Variants in NBEA observed in about 807,000 individuals in gnomAD.
The protein encoded by NBEA is lysosomal-trafficking regulator 2.
A neutral mutation model predicts 343.4 loss-of-function variants in NBEA; 44 were observed. The ratio of observed to expected loss-of-function variants is 0.13; its 90% CI spans 0.10 to 0.16. The LOEUF (loss-of-function observed/expected upper bound fraction) is 0.16, where lower values mean the gene tolerates loss of function less well. NBEA is among the 10% of genes least tolerant of loss of function. The probability of loss-of-function intolerance (pLI) is 1.00; values close to 1 mark genes in which losing one functional copy is unlikely to be tolerated. For synonymous variants in NBEA, 1,175 were observed against 1,238.7 expected, an observed-to-expected ratio of 0.95 and a Z score of 1.08; for missense variants, 2,555 against 3,631.3, an observed-to-expected ratio of 0.70 and a Z score of 7.62.
At chr13:35,624,833 TAGG>T (rs903971771) in intron 48 of NBEA, among the ~76,000 whole-genome samples, 4 of 151,892 alleles carry the variant, frequency 2.6e-5, no homozygotes, top group Non-Finnish European at 4.4e-5. Flanking sequence ...GATAAATACA[TAGG>T]AGAGAGAGCA....
intron 1 of NBEA, among the ~76,000 whole-genome samples, chr13:35,030,473 A>T (rs189016700): frequency 5.9e-5 from 9 of 151,724 alleles, no homozygotes; most frequent in Admixed American, 5.9e-4. Context: ...TCTACCGCTT[A>T]CTTATGTGTG....
intron 34 of NBEA, among the ~76,000 whole-genome samples, chr13:35,255,421 TC>T: frequency 6.6e-6 from 1 of 152,310 alleles, no homozygotes; most frequent in South Asian, 2.1e-4. Flanking sequence ...CTGGCCTAGA[TC>T]CCATGCGAGC....
At chr13:35,452,007 A>T in intron 39 of NBEA, 85 bp from the exon 40 acceptor site, 2 of 933,876 alleles carry the variant, frequency 2.1e-6, no homozygotes, top group Non-Finnish European at 3.3e-6. Flanking sequence ...CATATAATTT[A>T]ATAAAGCAAT....
At chr13:35,056,688 TTGTC>T (rs2063276781) in intron 7 of NBEA, among the ~76,000 whole-genome samples, 1 of 151,980 alleles carries the variant, frequency 6.6e-6, no homozygotes, top group Non-Finnish European at 1.5e-5. Flanking sequence ...AAAAGGCAAT[TTGTC>T]TGGAGCAGAG....
chr13:35,513,297 TG>T (rs2077356029), intron 41 of NBEA, among the ~76,000 whole-genome samples: 2 of 137,322 alleles, frequency 1.5e-5, no homozygotes, highest in Non-Finnish European at 3.1e-5. Flanking sequence ...CCACCACACC[TG>T]GCAATTTTTT....
intron 38 of NBEA, among the ~76,000 whole-genome samples, chr13:35,389,338 A>T (rs2042391405): frequency 6.6e-6 from 1 of 152,138 alleles, no homozygotes; most frequent in Non-Finnish European, 1.5e-5. Flanking sequence ...AGCATTGTGA[A>T]TACTCATCAT....
At position 34,972,998 on chromosome 13, in the gene NBEA, T is replaced by C. The variant is rs2060048097; in HGVS notation, c.294+29884T>C. ...TGCTACCTTAAATCTTTGAGGTTGC[T>C]CACCTTTGGATTTTTTTTTTCTTTT... On this transcript the variant is annotated intron_variant, in intron 1 of 58. Coordinates refer to ENST00000379939, the MANE Select transcript of NBEA (RefSeq NM_001385012.1). Among the ~76,000 whole-genome samples the C allele has an allele frequency of 2.0e-5, 3 of 152,224 alleles. No individual in the cohort carries two copies. The South Asian group carries it at 6.2e-4, about 31-fold the overall frequency.
Position 35,157,112 on chromosome 13 carries a change from A to T in NBEA, c.2686A>T (p.Met896Leu), listed in dbSNP as rs1593543082. The T allele has an allele frequency of 6.2e-7, 1 of 1,602,826 alleles. No homozygotes were observed. Among genetic ancestry groups the T allele is most frequent in the Non-Finnish European group, 8.5e-7 (1 of 1,174,488 alleles). The change falls in exon 21 of 59, where the codon ATG becomes TTG. Residue 896 changes from methionine (M) to leucine (L), a missense_variant. Around this residue, in one of 21 missense-constraint regions of NBEA, gnomAD observed 360 missense variants for 519.1 expected, o/e 0.69. Coordinates refer to ENST00000379939, the MANE Select transcript of NBEA (RefSeq NM_001385012.1). The part of the protein sequence containing the change: ...LLQCSVWQDW[M>L]FSLGYINPKN... ...GCAGTGTTCAGTGTGGCAGGATTGG[A>T]TGTTTTCTCTTGGCTATATCAATCC... is the stretch of plus-strand genomic sequence containing the variant.
At chr13:35,445,782 T>TTATATATATATATATATATATATA (rs71081255) in intron 39 of NBEA, among the ~76,000 whole-genome samples, 3 of 113,270 alleles carry the variant, frequency 2.6e-5, no homozygotes, top group Non-Finnish European at 3.5e-5. Context: ...ATATAAATGT[T>TTATATATATATATATATATATATA]TATATATATA....
intron 29 of NBEA, 39 bp from the exon 30 acceptor site, chr13:35,183,937 C>A: frequency 6.7e-7 from 1 of 1,502,844 alleles, no homozygotes; most frequent in Non-Finnish European, 9.2e-7. Context: ...CAGGTTGTTA[C>A]ATGCTGGCTC....
chr13:35,639,172 T>C (rs184628365), intron 49 of NBEA, among the ~76,000 whole-genome samples: 12 of 152,304 alleles, frequency 7.9e-5, no homozygotes, highest in Admixed American at 7.8e-4. Context: ...AAAGGAAAAA[T>C]ATTTATTCTC....
chr13:35,287,320 G>A (rs1320984075), intron 34 of NBEA, among the ~76,000 whole-genome samples: 1 of 151,968 alleles, frequency 6.6e-6, no homozygotes, highest in Admixed American at 6.6e-5. Context: ...TCCTTTGGGG[G>A]CTTCTTCTTA....
At chr13:35,605,372 T>C (rs568143101) in intron 47 of NBEA, among the ~76,000 whole-genome samples, 1 of 152,272 alleles carries the variant, frequency 6.6e-6, no homozygotes, top group East Asian at 1.9e-4. Flanking sequence ...AGATTTTATA[T>C]ATGCTTTTTC....
intron 38 of NBEA, among the ~76,000 whole-genome samples, chr13:35,373,520 C>T (rs918055745): frequency 4.6e-5 from 7 of 150,976 alleles, no homozygotes; most frequent in African/African-American, 1.5e-4. Flanking sequence ...GCCTGGGTGA[C>T]AGGACAAAAC....
At chr13:35,451,333 C>G (rs1159557987) in intron 39 of NBEA, among the ~76,000 whole-genome samples, 1 of 152,156 alleles carries the variant, frequency 6.6e-6, no homozygotes, top group Non-Finnish European at 1.5e-5. Context: ...CCGTGTTAAC[C>G]AGGATGGTCT....
At chr13:35,468,628 A>G (rs1232023780) in intron 40 of NBEA, among the ~76,000 whole-genome samples, 2 of 152,052 alleles carry the variant, frequency 1.3e-5, no homozygotes, top group East Asian at 1.9e-4. Context: ...TGAGTCTTTT[A>G]ACACCCCTAA....
intron 58 of NBEA, among the ~76,000 whole-genome samples, chr13:35,669,013 GTTC>G (rs1345839036): frequency 6.6e-6 from 1 of 152,118 alleles, no homozygotes; most frequent in Non-Finnish European, 1.5e-5. Context: ...TTACCCCCAT[GTTC>G]TTATTTACCT....
intron 40 of NBEA, among the ~76,000 whole-genome samples, chr13:35,461,264 G>C (rs1418629701): frequency 2.0e-5 from 3 of 152,148 alleles, no homozygotes; most frequent in African/African-American, 7.2e-5. Flanking sequence ...GCCACCCTTT[G>C]TTATGGTCAG....
intron 40 of NBEA, among the ~76,000 whole-genome samples, chr13:35,462,651 G>A (rs566878335): frequency 3.4e-4 from 51 of 152,158 alleles, no homozygotes; most frequent in Non-Finnish European, 6.9e-4. Flanking sequence ...TCTGGCCCTT[G>A]TGTAGAATAT....
Sources: gnomAD v4.1 joint callset for allele counts (sites outside exome capture counted in the v4.1 genomes callset) on GRCh38, gnomAD v4.1.1 for gene constraint, gnomAD v4.1.1 regional missense constraint, MANE v1.5 for transcripts, NCBI Gene and HGNC (gene_info 2026-07-23, HGNC 2026-07-21) for gene names.